CAPN3: variants seen among roughly 807,000 people sequenced by gnomAD.
The protein encoded by CAPN3 is calpain-3.
CAPN3 carries 88 observed loss-of-function variants against 114.0 expected under a neutral mutation model. The observed-to-expected ratio is 0.77, with a 90% CI of 0.65 to 0.92. The LOEUF (loss-of-function observed/expected upper bound fraction) is 0.92. CAPN3 is among the 40% of genes least tolerant of loss of function. The pLI is 0.00. For missense variants in CAPN3, 1,028 were observed against 1,069.0 expected (o/e 0.96, Z 0.53); for synonymous variants, 386 against 382.9 (o/e 1.01, Z -0.09).
rs1298054265 is a variant in CAPN3 at position 42,381,540 on chromosome 15, T to C, written c.310-2943T>C. On this transcript the variant is annotated intron_variant, in intron 1 of 23. Transcript: ENST00000397163. ...CTCCCTTTAATCATCAGGTACTTTG[T>C]TGGGTTTTTGTTTTTTCTGAGACAG... Among the ~76,000 whole-genome samples, 6 of 152,150 alleles carry C rather than the reference T, an allele frequency of 3.9e-5. No homozygotes were observed. In the East Asian group the frequency reaches 7.7e-4, roughly 20 times the overall value.
intron 1 of CAPN3, among the ~76,000 whole-genome samples, chr15:42,377,821 A>G (rs530849963): frequency 3.8e-4 from 58 of 152,258 alleles, no homozygotes; most frequent in African/African-American, 1.4e-3. Flanking sequence ...TTGGAGGGTT[A>G]TTAATTATTG....
chr15:42,384,765 CAG>C (rs1273800910), intron 2 of CAPN3, among the ~76,000 whole-genome samples: 2 of 152,196 alleles, frequency 1.3e-5, no homozygotes, highest in African/African-American at 2.4e-5. Flanking sequence ...CCATGCATCA[CAG>C]GGGGTATCTG....
At chr15:42,390,183 A>G in intron 6 of CAPN3, 87 bp downstream of exon 6, 2 of 1,489,408 alleles carry the variant, frequency 1.3e-6, no homozygotes, top group South Asian at 2.3e-5. Flanking sequence ...CTCAGCAGCC[A>G]GGGCCTTACC....
At chr15:42,360,233 C>G in intron 1 of CAPN3, 119 bp downstream of exon 1, 1 of 1,043,504 alleles carries the variant, frequency 9.6e-7, no homozygotes, top group South Asian at 1.3e-5. Context: ...GGCAGCAGCT[C>G]TGCTGGGCTC....
At chr15:42,383,514 G>A (rs1445569857) in intron 1 of CAPN3, among the ~76,000 whole-genome samples, 2 of 152,000 alleles carry the variant, frequency 1.3e-5, no homozygotes, top group Non-Finnish European at 2.9e-5. Flanking sequence ...GCTTGAACCT[G>A]GGAGGCAGAG....
intron 1 of CAPN3, among the ~76,000 whole-genome samples, chr15:42,375,638 T>C (rs921224563): frequency 6.6e-6 from 1 of 152,188 alleles, no homozygotes; most frequent in Non-Finnish European, 1.5e-5. Context: ...ATTAGAAGTA[T>C]TTATATCTAT....
intron 1 of CAPN3, among the ~76,000 whole-genome samples, chr15:42,374,792 C>CTCTTT (rs1416344166): frequency 7.3e-6 from 1 of 136,162 alleles, no homozygotes; most frequent in African/African-American, 2.7e-5. Context: ...AATATCATGT[C>CTCTTT]TCTTTTTTTT....
At chr15:42,377,933 A>G (rs2053133206) in intron 1 of CAPN3, among the ~76,000 whole-genome samples, 1 of 152,176 alleles carries the variant, frequency 6.6e-6, no homozygotes, top group African/African-American at 2.4e-5. Context: ...TTCACCTGTT[A>G]TCAAATTTGT....
intron 14 of CAPN3, chr15:42,405,070 T>G: frequency 1.0e-6 from 1 of 961,274 alleles, no homozygotes; most frequent in Non-Finnish European, 1.2e-6. Flanking sequence ...TGTTGGGGCG[T>G]GGGGCAATCT....
At chr15:42,397,730 A>G (rs540906151) in intron 9 of CAPN3, among the ~76,000 whole-genome samples, 3 of 152,228 alleles carry the variant, frequency 2.0e-5, no homozygotes, top group Admixed American at 6.5e-5. Context: ...TTTAAAAACT[A>G]TAATAGAGAC....
At position 42,403,728 on chromosome 15, in the gene CAPN3, G is replaced by A; in HGVS notation, c.1746-13G>A. On this transcript the variant is annotated splice_polypyrimidine_tract_variant and intron_variant, in intron 13 of 23. Transcript: ENST00000397163. ...GGTGACACTGAGACCCCACATGTCT[G>A]TATTCCTCACAGGGAAGTTGAAAAT... is the stretch of plus-strand genomic sequence containing the variant. The A allele has an allele frequency of 6.2e-7, 1 of 1,613,222 alleles. No individual in the cohort carries two copies. Among genetic ancestry groups the A allele is most frequent in the African/African-American group, 1.3e-5 (1 of 75,014 alleles).
At chr15:42,372,370 G>A (rs2052973141) in intron 1 of CAPN3, among the ~76,000 whole-genome samples, 1 of 152,144 alleles carries the variant, frequency 6.6e-6, no homozygotes, top group Non-Finnish European at 1.5e-5. Context: ...TGTTGGTCAG[G>A]CTAGTCTCAA....
At chr15:42,403,672 C>T (rs951620693) in intron 13 of CAPN3, 69 bp from the exon 14 acceptor site, 4 of 1,457,602 alleles carry the variant, frequency 2.7e-6, no homozygotes, top group Admixed American at 3.3e-5. Context: ...TGCACCAGAG[C>T]AAACCGTCCA....
intron 6 of CAPN3, among the ~76,000 whole-genome samples, chr15:42,391,875 T>C (rs2053564175): frequency 6.6e-6 from 1 of 151,962 alleles, no homozygotes; most frequent in South Asian, 2.1e-4. Flanking sequence ...TAAAGAAGGC[T>C]AGACTTGGCC....
chr15:42,388,704 C>T (rs543445049), intron 4 of CAPN3, among the ~76,000 whole-genome samples: 4 of 152,136 alleles, frequency 2.6e-5, no homozygotes, highest in East Asian at 1.9e-4. Flanking sequence ...CCCAGTGCTT[C>T]TGGCTCTCTG....
Position 42,378,627 on chromosome 15 carries a change from T to A in CAPN3, c.310-5856T>A, listed in dbSNP as rs547225610. On this transcript the variant is annotated intron_variant, in intron 1 of 23. Coordinates refer to ENST00000397163, the MANE Select transcript of CAPN3 (RefSeq NM_000070.3). ...TTTCATTGACTTTCTATTGTTTTCT[T>A]GTTTTTTATTTCATTCATTTCTGCT... Among the ~76,000 whole-genome samples the A allele has an allele frequency of 2.6e-4, 39 of 152,302 alleles. 1 individual carries two copies. The South Asian group carries it at 6.2e-3, about 24-fold the overall frequency.
At position 42,412,253 on chromosome 15, in the gene CAPN3, A is replaced by G. The variant is rs1566987396; in HGVS notation, c.*480A>G. 1.4e-6 allele frequency: 2 copies of G among 1,426,520 alleles called. No homozygotes were observed. The highest frequency in any genetic ancestry group is 1.9e-6 in the Non-Finnish European group (2 of 1,053,362). The allele number at this position is 1,426,520 out of a possible 1,614,324, so 88.4% of individuals were successfully genotyped here. On this transcript the variant is annotated 3_prime_UTR_variant, in exon 24 of 24. Transcript: ENST00000397163. ...TAGGGCTGGTTACTTTGGGCTGTCC[A>G]ACTCATAAGTTTGGCTGCATTTTGA...
intron 11 of CAPN3, 96 bp downstream of exon 11, chr15:42,401,906 C>T: frequency 1.4e-6 from 2 of 1,396,874 alleles, no homozygotes; most frequent in South Asian, 2.4e-5. Flanking sequence ...TTCCTCAATA[C>T]CCAGTGACCC....
At chr15:42,376,025 T>C (rs1264232993) in intron 1 of CAPN3, among the ~76,000 whole-genome samples, 1 of 152,180 alleles carries the variant, frequency 6.6e-6, no homozygotes, top group Non-Finnish European at 1.5e-5. Flanking sequence ...ATAATGACCC[T>C]CAATTGGCAT....
Sources: gnomAD v4.1 joint callset for allele counts (sites outside exome capture counted in the v4.1 genomes callset) on GRCh38, gnomAD v4.1.1 for gene constraint, MANE v1.5 for transcripts, NCBI Gene and HGNC (gene_info 2026-07-23, HGNC 2026-07-21) for gene names.